The following PRSS48 variants were observed in gnomAD, a reference collection of about 807,000 sequenced individuals.
PRSS48 encodes the protein epidermis-specific serine protease-like protein.
Under a neutral mutation model 25.6 loss-of-function variants are expected in PRSS48, and 21 were observed. The ratio of observed to expected loss-of-function variants is 0.82; its 90% CI spans 0.58 to 1.18. PRSS48 has a LOEUF of 1.18. PRSS48 is among the 50% of genes most tolerant of loss of function. The pLI, the probability that PRSS48 is intolerant of heterozygous loss-of-function variation, is 0.00. For synonymous variants in PRSS48, 150 were observed against 149.3 expected, an observed-to-expected ratio of 1.00 and a Z score of -0.04; for missense variants, 373 against 399.3, an observed-to-expected ratio of 0.93 and a Z score of 0.56.
chr4:151,290,440 G>T (rs1460077711), intron 4 of PRSS48, among the ~76,000 whole-genome samples: 1 of 152,070 alleles, frequency 6.6e-6, no homozygotes, highest in Admixed American at 6.5e-5. Context: ...AGACACAAAA[G>T]GTCAGATATT....
At chr4:151,283,443 G>A (rs369036711) in intron 4 of PRSS48, among the ~76,000 whole-genome samples, 157 bp downstream of exon 4, 2 of 150,576 alleles carry the variant, frequency 1.3e-5, no homozygotes, top group East Asian at 3.9e-4. Context: ...ACTTCTATCT[G>A]TGAAATCAGT....
intron 4 of PRSS48, among the ~76,000 whole-genome samples, chr4:151,290,752 T>C (rs536831993): frequency 2.8e-4 from 43 of 152,342 alleles, no homozygotes; most frequent in African/African-American, 1.0e-3. Context: ...CACTATCATT[T>C]TAGGTAAGAA....
In PRSS48 at chr4:151,291,248, G is replaced by A; in HGVS notation, c.782G>A (p.Trp261Ter). 1 of 1,613,908 alleles carries A rather than the reference G, an allele frequency of 6.2e-7. No homozygotes were observed. Among genetic ancestry groups the A allele is most frequent in the Non-Finnish European group, 8.5e-7 (1 of 1,179,858 alleles). ...ACCAATGTAATCTACTACCAAAAAT[G>A]GATTAATGCCACTATTTCAAGAGCC... Residue 261 changes from tryptophan to a stop codon, truncating the protein, a stop_gained, in exon 5 of 5, where the codon TGG (tryptophan) becomes TAG (stop). Transcript: ENST00000455694. LOFTEE classifies it low-confidence loss of function (END_TRUNC).
At chr4:151,277,429 C>T (rs1773747288) in intron 1 of PRSS48, among the ~76,000 whole-genome samples, 1 of 152,110 alleles carries the variant, frequency 6.6e-6, no homozygotes, top group East Asian at 1.9e-4. Flanking sequence ...CCACAAGATC[C>T]CTATCTTCGT....
rs140703699 is a variant in PRSS48 at position 151,279,094 on chromosome 4, A to C, written c.53-702A>C. 4.8e-4 allele frequency: 204 copies of C among 423,284 alleles called. 3 individuals are homozygous for C. In the East Asian group the frequency reaches 0.013, roughly 27 times the overall value. 26.2% of individuals were successfully genotyped at this position (423,284 alleles called of 1,614,324 possible). On this transcript the variant is annotated intron_variant, in intron 1 of 4. Transcript: ENST00000455694. ...CTGACCAGGGAACATCCACAGATAA[A>C]GCTGTGGCCCAAGTATAGGCTGACC...
At chr4:151,283,935 C>T (rs539967054) in intron 4 of PRSS48, among the ~76,000 whole-genome samples, 3 of 152,226 alleles carry the variant, frequency 2.0e-5, no homozygotes, top group Admixed American at 1.3e-4. Context: ...AAAAATCAGC[C>T]ATTATTTGCA....
At chr4:151,290,461 A>T (rs1186653986) in intron 4 of PRSS48, among the ~76,000 whole-genome samples, 1 of 152,236 alleles carries the variant, frequency 6.6e-6, no homozygotes, top group Non-Finnish European at 1.5e-5. Flanking sequence ...ACATGATTCC[A>T]TTTATATGAA....
At chr4:151,279,377 A>G (rs1358989656) in intron 1 of PRSS48, among the ~76,000 whole-genome samples, 1 of 152,182 alleles carries the variant, frequency 6.6e-6, no homozygotes, top group African/African-American at 2.4e-5. Context: ...GTTAAATGAT[A>G]TTCCATGTGT....
intron 1 of PRSS48, among the ~76,000 whole-genome samples, chr4:151,278,274 AT>A (rs571100331): frequency 2.5e-4 from 37 of 148,642 alleles, no homozygotes; most frequent in Non-Finnish European, 2.8e-4. Flanking sequence ...TTCATAGAGC[AT>A]TTTTTTTTTA....
intron 4 of PRSS48, among the ~76,000 whole-genome samples, chr4:151,283,694 T>C (rs1349628109): frequency 2.0e-5 from 3 of 151,894 alleles, no homozygotes; most frequent in Non-Finnish European, 1.5e-5. Context: ...ACATACTTTT[T>C]TCATTTTTTT....
At chr4:151,282,452 T>C (rs143028832) in intron 3 of PRSS48, 39 bp downstream of exon 3, 2 of 1,606,514 alleles carry the variant, frequency 1.2e-6, no homozygotes, top group South Asian at 2.2e-5. Flanking sequence ...TCATATGTCA[T>C]CCTCTTGTAC....
chr4:151,282,352 G>C, exon 3 of PRSS48: 2 of 1,613,888 alleles, frequency 1.2e-6, no homozygotes, highest in Non-Finnish European at 1.7e-6. Context: ...GTGTCACAAA[G>C]CAGTTGGCAA....
At chr4:151,277,629 A>G (rs10013073) in intron 1 of PRSS48, among the ~76,000 whole-genome samples, 52,328 of 151,642 alleles carry the variant, frequency 0.35, 10,118 homozygotes, top group Non-Finnish European at 0.46. Context: ...AACTAAATTA[A>G]GTAAGAGGAT....
At chr4:151,281,306 C>A (rs1467165270) in intron 2 of PRSS48, among the ~76,000 whole-genome samples, 3 of 152,098 alleles carry the variant, frequency 2.0e-5, no homozygotes, top group Non-Finnish European at 4.4e-5. Flanking sequence ...CTTATCAACT[C>A]CAGGAGAAGC....
chr4:151,279,360 A>AT (rs1238187650), intron 1 of PRSS48, among the ~76,000 whole-genome samples: 4 of 152,162 alleles, frequency 2.6e-5, no homozygotes, highest in African/African-American at 9.7e-5. Context: ...TAAAAAAAAA[A>AT]TTTTAAGTTA....
intron 2 of PRSS48, among the ~76,000 whole-genome samples, chr4:151,280,214 T>A (rs1231431565): frequency 2.3e-5 from 2 of 87,950 alleles, no homozygotes; most frequent in Non-Finnish European, 6.5e-5. Context: ...GTCAGGAGAT[T>A]TTTGTCGTGT....
intron 1 of PRSS48, among the ~76,000 whole-genome samples, chr4:151,277,784 T>C (rs1455024001): frequency 6.6e-6 from 1 of 152,222 alleles, no homozygotes; most frequent in African/African-American, 2.4e-5. Flanking sequence ...CTCACGCCTG[T>C]AATCCCAGCA....
chr4:151,283,138 T>C lies in PRSS48; in HGVS notation c.503T>C (p.Leu168Pro), dbSNP rs564771751. 8.1e-6 allele frequency: 13 copies of C among 1,613,820 alleles called. No homozygotes were observed. The East Asian group carries it at 2.7e-4, about 33-fold the overall frequency. Residue 168 changes from leucine to proline, a missense_variant, in exon 4 of 5, where the codon CTT becomes CCT. Physicochemically the swap from Leu to Pro is moderately conservative, Grantham distance 98 (BLOSUM62 -3). Transcript: ENST00000455694. ...ACAGATAGAGATTACCATTCTGCCC[T>C]TCAGGAAGCAGAAGTACCCATTATT...
intron 1 of PRSS48, 50 bp from the exon 2 acceptor site, chr4:151,279,746 A>C (rs1172122593): frequency 6.4e-7 from 1 of 1,569,564 alleles, no homozygotes; most frequent in African/African-American, 1.4e-5. Flanking sequence ...TGGGGACCAG[A>C]GAAACAGGAC....
Sources: gnomAD v4.1 joint callset for allele counts (sites outside exome capture counted in the v4.1 genomes callset) on GRCh38, gnomAD v4.1.1 for gene constraint, MANE v1.5 for transcripts, NCBI Gene and HGNC (gene_info 2026-07-23, HGNC 2026-07-21) for gene names.